MGAT4C: variants seen among roughly 807,000 people sequenced by gnomAD.
MGAT4C encodes the protein alpha-1,3-mannosyl-glycoprotein 4-beta-N-acetylglucosaminyltransferase C.
A neutral mutation model predicts 40.1 loss-of-function variants in MGAT4C; 19 were observed. The observed-to-expected ratio is 0.47, with a 90% CI of 0.33 to 0.70. The LOEUF is 0.70. Ranked by LOEUF, MGAT4C falls within the 30% of genes least tolerant of loss-of-function variation. MGAT4C has a pLI of 0.02. For missense variants in MGAT4C, 491 were observed against 563.2 expected, an observed-to-expected ratio of 0.87 and a Z score of 1.30; for synonymous variants, 181 against 187.1, an observed-to-expected ratio of 0.97 and a Z score of 0.27.
chr12:86,178,610 C>A (rs565045795), intron 1 of MGAT4C, among the ~76,000 whole-genome samples: 1 of 152,300 alleles, frequency 6.6e-6, no homozygotes, highest in East Asian at 1.9e-4. Context: ...CTCCCTTAAT[C>A]AGAGATTCCT....
intron 2 of MGAT4C, among the ~76,000 whole-genome samples, chr12:86,545,152 AC>A (rs1959186780): frequency 6.6e-6 from 1 of 152,008 alleles, no homozygotes; most frequent in Admixed American, 6.6e-5. Context: ...TTCAACAGCC[AC>A]CCTCTGGCAT....
chr12:86,090,306 AT>A (rs1264387784), intron 1 of MGAT4C, among the ~76,000 whole-genome samples: 2 of 151,714 alleles, frequency 1.3e-5, no homozygotes, highest in Non-Finnish European at 3.0e-5. Context: ...AACTTTATAA[AT>A]TTATATTTAT....
chr12:86,420,560 C>T (rs1326735014), intron 3 of MGAT4C, among the ~76,000 whole-genome samples: 3 of 151,936 alleles, frequency 2.0e-5, no homozygotes, highest in East Asian at 1.9e-4. Context: ...AGATGAATTG[C>T]AAATACTACC....
intron 3 of MGAT4C, among the ~76,000 whole-genome samples, chr12:86,413,219 A>C (rs959525976): frequency 3.9e-5 from 6 of 152,286 alleles, no homozygotes; most frequent in Admixed American, 1.3e-4. Context: ...CATTTCACAG[A>C]TAGAAGAAAA....
At chr12:86,716,923 C>T (rs7979922) in intron 2 of MGAT4C, among the ~76,000 whole-genome samples, 5,840 of 152,128 alleles carry the variant, frequency 0.038, 147 homozygotes, top group Non-Finnish European at 0.048. Context: ...ATTCTTCCTA[C>T]CTCCTAGCAC....
chr12:86,398,495 A>G (rs759945707), intron 3 of MGAT4C, among the ~76,000 whole-genome samples: 1 of 152,074 alleles, frequency 6.6e-6, no homozygotes, highest in Non-Finnish European at 1.5e-5. Flanking sequence ...ATATTAACAT[A>G]CATGTATACA....
intron 4 of MGAT4C, among the ~76,000 whole-genome samples, chr12:86,316,914 T>A (rs996799894): frequency 1.3e-5 from 2 of 151,776 alleles, no homozygotes; most frequent in African/African-American, 2.4e-5. Flanking sequence ...GCCAAAAAAG[T>A]AATGAAATGA....
Position 86,275,543 on chromosome 12 carries a change from T to C in MGAT4C, c.-57+58522A>G, listed in dbSNP as rs183086158. Among the ~76,000 whole-genome samples, 462 of 152,274 alleles carry C rather than the reference T, an allele frequency of 3.0e-3. 9 individuals are homozygous for C. The highest frequency in any genetic ancestry group is 0.027 in the Admixed American group (416 of 15,280). ...CTTGGCAAAAGGAAAGTTGCAAATA[T>C]GATTAAGTCAAAGCTCTTGAGATGG... On this transcript the variant is annotated intron_variant, in intron 4 of 7. Coordinates refer to the MGAT4C transcript ENST00000548651.
chr12:86,416,526 T>C (rs185662356), intron 3 of MGAT4C, among the ~76,000 whole-genome samples: 8 of 152,186 alleles, frequency 5.3e-5, no homozygotes, highest in Admixed American at 5.2e-4. Flanking sequence ...GCAATCTTAT[T>C]AGTTTCAAAA....
chr12:86,673,338 C>T lies in MGAT4C; in HGVS notation c.-229+53871G>A, dbSNP rs112494204. Reference sequence around the variant, plus strand: ...TAAATACTTAGAATATATACTAACACAAAGTAAGCCTTTTAGAGTTGTTTT... The same window carrying T: ...TAAATACTTAGAATATATACTAACATAAAGTAAGCCTTTTAGAGTTGTTTT... On this transcript the variant is annotated intron_variant, in intron 2 of 7. Transcript: ENST00000548651. Among the ~76,000 whole-genome samples, 61 of 152,238 alleles carry T rather than the reference C, an allele frequency of 4.0e-4. 1 individual carries two copies. The highest frequency in any genetic ancestry group is 1.4e-3 in the African/African-American group (60 of 41,546).
chr12:86,181,176 C>T (rs1413573438), intron 1 of MGAT4C, among the ~76,000 whole-genome samples: 1 of 152,054 alleles, frequency 6.6e-6, no homozygotes, highest in Non-Finnish European at 1.5e-5. Flanking sequence ...TAAGAATTGC[C>T]TTTTGCCTCC....
chr12:86,189,601 AAC>A (rs1889144624), intron 1 of MGAT4C, among the ~76,000 whole-genome samples: 1 of 152,066 alleles, frequency 6.6e-6, no homozygotes, highest in South Asian at 2.1e-4. Flanking sequence ...AAATAAGGGA[AAC>A]AGTCTAAGAG....
intron 1 of MGAT4C, among the ~76,000 whole-genome samples, chr12:86,092,854 C>T (rs776022390): frequency 1.3e-5 from 2 of 151,978 alleles, no homozygotes; most frequent in African/African-American, 2.4e-5. Context: ...CTCCAATCAC[C>T]CTCTTTTTTT....
chr12:86,455,845 G>T (rs544725815), intron 2 of MGAT4C, among the ~76,000 whole-genome samples: 1 of 152,018 alleles, frequency 6.6e-6, no homozygotes, highest in African/African-American at 2.4e-5. Flanking sequence ...CGCAAGGTCT[G>T]GTGTGGTTCT....
chr12:86,414,001 A>C (rs1592814161), intron 3 of MGAT4C, among the ~76,000 whole-genome samples: 2 of 152,148 alleles, frequency 1.3e-5, no homozygotes, highest in Admixed American at 1.3e-4. Context: ...GTTAAAACCA[A>C]GTTTTGACTG....
At chr12:86,023,173 A>T (rs762115090) in intron 2 of MGAT4C, among the ~76,000 whole-genome samples, 6 of 152,140 alleles carry the variant, frequency 3.9e-5, no homozygotes, top group Admixed American at 1.3e-4. Context: ...ATAAGAAAAT[A>T]CCTTGAAATT....
intron 2 of MGAT4C, among the ~76,000 whole-genome samples, chr12:86,483,272 C>T (rs969376573): frequency 3.3e-5 from 5 of 152,202 alleles, no homozygotes; most frequent in Middle Eastern, 3.4e-3. Context: ...CATTAGGTGT[C>T]AACAAATGAA....
rs371584153 is a variant in MGAT4C at position 86,204,233 on chromosome 12, T to G, written c.-57+52006A>C. The stretch of plus-strand genomic sequence containing the variant: ...ATTTGATCACAAGAAAAATTTTTCT[T>G]GATGAAATTGTTGAGATATAAGAAA... On this transcript the variant is annotated intron_variant, in intron 1 of 4. Transcript: ENST00000611864. Among the ~76,000 whole-genome samples the G allele has an allele frequency of 5.9e-5, 9 of 151,838 alleles. No individual in the cohort carries two copies. In the East Asian group the frequency reaches 1.7e-3, roughly 29 times the overall value.
intron 2 of MGAT4C, among the ~76,000 whole-genome samples, chr12:86,564,779 C>A (rs1960016970): frequency 6.6e-6 from 1 of 152,100 alleles, no homozygotes; most frequent in African/African-American, 2.4e-5. Context: ...GTTATTCTGG[C>A]CCATTTATCC....
Sources: allele counts gnomAD v4.1 joint callset (sites outside exome capture counted in the v4.1 genomes callset), GRCh38; gene constraint gnomAD v4.1.1; transcripts MANE v1.5; gene names NCBI Gene and HGNC (gene_info 2026-07-23, HGNC 2026-07-21).